Variants in CDAN1 observed in about 807,000 individuals in gnomAD.
CDAN1 encodes codanin 1.
Under a neutral mutation model 139.8 loss-of-function variants are expected in CDAN1, and 107 were observed. The ratio of observed to expected loss-of-function variants is 0.77; its 90% confidence interval spans 0.65 to 0.90. CDAN1 has a LOEUF of 0.90. CDAN1 is among the 40% of genes least tolerant of loss of function. The pLI is 0.00. For synonymous variants in CDAN1, 776 were observed against 660.6 expected (o/e 1.17, Z -2.68); for missense variants, 1,667 against 1,575.7 (o/e 1.06, Z -0.98).
chr15:42,729,266 A>C lies in CDAN1; in HGVS notation c.2504T>G (p.Leu835Arg). 1.9e-6 allele frequency: 3 copies of C among 1,587,564 alleles called. No individual in the cohort carries two copies. The highest frequency in any genetic ancestry group is 2.6e-6 in the Non-Finnish European group (3 of 1,166,974). ...GCTGGTCTGGGAAGGCTGGGCTCCC[A>C]GGCTGGTGGTAGTGGTGGGGGTGAT... ...RKITPTTTTSLGAQPSQTSQG... is the reference protein window; with the variant it reads ...RKITPTTTTSRGAQPSQTSQG... Residue 835 changes from leucine (L) to arginine (R), a missense_variant, in exon 18 of 28, where the codon CTG becomes CGG. Leu to Arg is a moderately radical substitution (Grantham distance 102). This residue lies in a region of CDAN1 where 936 missense variants were observed against 844.1 expected (regional missense o/e 1.11). Coordinates refer to ENST00000356231, the MANE Select transcript of CDAN1 (RefSeq NM_138477.4).
At position 42,737,082 on chromosome 15, in the gene CDAN1, C is replaced by T; in HGVS notation, c.21G>A (p.Ser7=). MAAVLE[S]LLREEVSVAA... The stretch of plus-strand genomic sequence containing the variant: ...CGACCGACACCTCTTCTCGCAGCAG[C>T]GACTCCAAAACGGCCGCCATCCCGG... The change falls in exon 1 of 28, where the codon TCG becomes TCA. Residue 7 remains serine, a synonymous_variant. Coordinates refer to ENST00000356231, the MANE Select transcript of CDAN1 (RefSeq NM_138477.4). 1 of 1,530,950 alleles carries T rather than the reference C, an allele frequency of 6.5e-7. No homozygotes were observed. The highest frequency in any genetic ancestry group is 8.8e-7 in the Non-Finnish European group (1 of 1,137,702). The allele number at this position is 1,530,950 out of a possible 1,614,324, so 94.8% of individuals were successfully genotyped here.
intron 9 of CDAN1, 38 bp downstream of exon 9, chr15:42,733,059 A>C: frequency 1.9e-6 from 3 of 1,582,644 alleles, no homozygotes; most frequent in South Asian, 1.1e-5. Context: ...TGAGCTACTC[A>C]TTGCCAGGAA....
At chr15:42,729,999 G>T in intron 15 of CDAN1, 114 bp from the exon 16 acceptor site, 1 of 1,192,196 alleles carries the variant, frequency 8.4e-7, no homozygotes, top group Non-Finnish European at 1.2e-6. Context: ...CCTCTGAGAT[G>T]ATGGGAATCC....
chr15:42,736,661 C>CG lies in CDAN1; in HGVS notation c.209dup (p.Thr71AspfsTer23). Reference sequence around the variant, plus strand: ...AGGCGCCCGGGGTCTTGGCGGGGGTCGGGGGCCCCTGCGGGAGGACGCGGC... The same window carrying CG: ...AGGCGCCCGGGGTCTTGGCGGGGGTCGGGGGGCCCCTGCGGGAGGACGCGGC... On this transcript the variant is annotated frameshift_variant, in exon 2 of 28. Coordinates refer to ENST00000356231, the MANE Select transcript of CDAN1 (RefSeq NM_138477.4). LOFTEE classifies it high-confidence loss of function. The CG allele has an allele frequency of 6.5e-7, 1 of 1,538,950 alleles. No individual in the cohort carries two copies. The highest frequency in any genetic ancestry group is 8.7e-7 in the Non-Finnish European group (1 of 1,144,252).
chr15:42,727,893 G>A, intron 22 of CDAN1, 62 bp downstream of exon 22: 1 of 1,599,868 alleles, frequency 6.3e-7, no homozygotes, highest in Non-Finnish European at 8.6e-7. Flanking sequence ...AGATGCCTCT[G>A]ACTCTCTGCC....
chr15:42,725,447 C>A, intron 26 of CDAN1, 42 bp downstream of exon 26: 1 of 1,611,940 alleles, frequency 6.2e-7, no homozygotes, highest in South Asian at 1.1e-5. Context: ...GGTGGATGTT[C>A]AGAGTGTGAC....
Position 42,724,115 on chromosome 15 carries a change from A to G in CDAN1, c.*376T>C, listed in dbSNP as rs2061492290. 3 of 316,560 alleles carry G rather than the reference A, an allele frequency of 9.5e-6. No individual in the cohort carries two copies. Among genetic ancestry groups the G allele is most frequent in the Non-Finnish European group, 1.9e-5 (3 of 161,728 alleles). The allele number at this position is 316,560 out of a possible 1,614,324, so 19.6% of individuals were successfully genotyped here. A position where few individuals can be genotyped will look rare whatever the true frequency, so the allele number is the denominator to read the frequency against. On this transcript the variant is annotated 3_prime_UTR_variant, in exon 28 of 28. Coordinates refer to ENST00000356231, the MANE Select transcript of CDAN1 (RefSeq NM_138477.4). ...TTTCTTCATAAGTTAAGCAGGAGTC[A>G]TTTGCCTCTGTCATGAATTCCAAGA...
chr15:42,725,551 G>T lies in CDAN1; in HGVS notation c.3388C>A (p.Pro1130Thr). ...CTTGGGCTCAGCAGCAGCTGCAGCG[G>T]AACCGGCCCCTGAAAGTCTTCCTTC... ...LWKEDFQGPV[P>T]LQLLLSPRNV... The change falls in exon 26 of 28, where the codon CCG becomes ACG. Residue 1130 changes from proline to threonine, a missense_variant. Pro to Thr is a conservative substitution (Grantham distance 38, BLOSUM62 -1). Transcript: ENST00000356231. The T allele has an allele frequency of 6.2e-7, 1 of 1,614,164 alleles. No homozygotes were observed. Among genetic ancestry groups the T allele is most frequent in the Non-Finnish European group, 8.5e-7 (1 of 1,180,020 alleles).
At chr15:42,725,460 C>T (rs758653248) in intron 26 of CDAN1, 29 bp downstream of exon 26, 2 of 1,613,728 alleles carry the variant, frequency 1.2e-6, no homozygotes, top group South Asian at 1.1e-5. Flanking sequence ...AGTGTGACTG[C>T]AGAGGGCTTC....
At position 42,725,576 on chromosome 15, in the gene CDAN1, C is replaced by T. The variant is rs1367139829; in HGVS notation, c.3363G>A (p.Trp1121Ter). 1 of 1,614,050 alleles carries T rather than the reference C, an allele frequency of 6.2e-7. No homozygotes were observed. Among genetic ancestry groups the T allele is most frequent in the Non-Finnish European group, 8.5e-7 (1 of 1,180,046 alleles). ...RRLLHMLLSL[W>*]KEDFQGPVPL... is the part of the protein sequence containing the mutation. Reference sequence around the variant, plus strand: ...GAACCGGCCCCTGAAAGTCTTCCTTCCACAAGGAAAGCAGCATGTGCAGAA... The same window carrying T: ...GAACCGGCCCCTGAAAGTCTTCCTTTCACAAGGAAAGCAGCATGTGCAGAA... The change falls in exon 26 of 28, where the codon TGG (tryptophan) becomes TGA (stop). Residue 1121 changes from tryptophan to a stop codon, truncating the protein, a stop_gained. Coordinates refer to ENST00000356231, the MANE Select transcript of CDAN1 (RefSeq NM_138477.4). LOFTEE classifies it high-confidence loss of function.
At position 42,728,730 on chromosome 15, in the gene CDAN1, CCCCCTT is replaced by C; in HGVS notation, c.2720_2725del (p.Glu907_Gly908del). 1 of 1,614,198 alleles carries C rather than the reference CCCCCTT, an allele frequency of 6.2e-7. No homozygotes were observed. The highest frequency in any genetic ancestry group is 8.5e-7 in the Non-Finnish European group (1 of 1,180,036). The stretch of plus-strand genomic sequence containing the variant: ...GATCTCCAACAGCTGGGCTGGGTCT[CCCCCTT>C]CCTCTCCCTGTGTCACCAGCTGCTC... On this transcript the variant is annotated inframe_deletion, in exon 20 of 28. Transcript: ENST00000356231.
Position 42,727,510 on chromosome 15 carries a change from CACAG to C in CDAN1, c.3096+107_3096+110del. The C allele has an allele frequency of 4.8e-6, 5 of 1,034,746 alleles. No homozygotes were observed. The South Asian group carries it at 5.3e-5, about 11-fold the overall frequency. The allele number at this position is 1,034,746 out of a possible 1,614,324, so 64.1% of individuals were successfully genotyped here. A position where few individuals can be genotyped will look rare whatever the true frequency, so the allele number is the denominator to read the frequency against. On this transcript the variant is annotated intron_variant, in intron 23 of 27. Transcript: ENST00000356231. The stretch of plus-strand genomic sequence containing the variant: ...AGTGAAACGGGGACTAGCTGGACAG[CACAG>C]ACAGCTTCTACATAAAAATCCTGGA...
At chr15:42,728,984 G>A in intron 19 of CDAN1, 39 bp downstream of exon 19, 1 of 1,601,626 alleles carries the variant, frequency 6.2e-7, no homozygotes, top group Non-Finnish European at 8.6e-7. Flanking sequence ...GGGAAAAAAT[G>A]GTAGGGCGAT....
intron 26 of CDAN1, 47 bp downstream of exon 26, chr15:42,725,442 A>G: frequency 1.2e-6 from 2 of 1,609,200 alleles, no homozygotes; most frequent in Non-Finnish European, 1.7e-6. Context: ...AGGGTGGTGG[A>G]TGTTCAGAGT....
chr15:42,725,495 T>G lies in CDAN1; in HGVS notation c.3444A>C (p.Pro1148=). The G allele has an allele frequency of 6.2e-7, 1 of 1,614,162 alleles. No individual in the cohort carries two copies. The highest frequency in any genetic ancestry group is 8.5e-7 in the Non-Finnish European group (1 of 1,180,026). Residue 1148 remains proline (P), a synonymous_variant, in exon 26 of 28, where the codon CCA becomes CCC. Coordinates refer to ENST00000356231, the MANE Select transcript of CDAN1 (RefSeq NM_138477.4). ...CTTGTTCCGTCTGACTCACCTCCCT[T>G]GGCCTTGTGTCTGCCAGAAGCCCCA... ...RNVGLLADTR[P]REWDLLLFLL...
Position 42,735,692 on chromosome 15 carries a change from G to T in CDAN1, c.774-13C>A. 3 of 1,613,700 alleles carry T rather than the reference G, an allele frequency of 1.9e-6. No homozygotes were observed. The highest frequency in any genetic ancestry group is 1.7e-5 in the Admixed American group (1 of 60,016). On this transcript the variant is annotated splice_polypyrimidine_tract_variant and intron_variant, in intron 3 of 27. Transcript: ENST00000356231. Reference sequence around the variant, plus strand: ...CAGCTGCTTAGAGCTATGGAATAAAGAAATTTCATGAGCAGTCAGCTTGGC... The same window carrying T: ...CAGCTGCTTAGAGCTATGGAATAAATAAATTTCATGAGCAGTCAGCTTGGC...
chr15:42,727,926 T>C (rs527704129), intron 22 of CDAN1, 29 bp downstream of exon 22: 1 of 1,610,540 alleles, frequency 6.2e-7, no homozygotes, highest in Non-Finnish European at 8.5e-7. Flanking sequence ...AAACACTTGA[T>C]TCAGCCACTC....
At chr15:42,734,649 G>T (rs1028587745) in intron 6 of CDAN1, among the ~76,000 whole-genome samples, 2 of 152,036 alleles carry the variant, frequency 1.3e-5, no homozygotes, top group African/African-American at 4.8e-5. Context: ...TGTCACCCAG[G>T]CTGGGCTGGG....
rs777323929 is a variant in CDAN1, at chr15:42,735,608, C to T, written c.845G>A (p.Arg282Gln). ...AGGTTCATCTGTGAGGCTTCCTGTC[C>T]GGCTGGGGAGGGGCGACCCCAATTC... is the stretch of plus-strand genomic sequence containing the variant. The part of the protein sequence containing the change: ...TPELGSPLPS[R>Q]TGSLTDEPAD... The change falls in exon 4 of 28, where the codon CGG becomes CAG. Residue 282 changes from arginine (R) to glutamine (Q), a missense_variant. Arg to Gln is a conservative substitution (Grantham distance 43). Around this residue, in one of 3 missense-constraint regions of CDAN1, gnomAD observed 487 missense variants for 422.2 expected, o/e 1.15. Coordinates refer to ENST00000356231, the MANE Select transcript of CDAN1 (RefSeq NM_138477.4). The T allele has an allele frequency of 2.2e-5, 36 of 1,614,034 alleles. No homozygotes were observed. The highest frequency in any genetic ancestry group is 1.0e-4 in the Admixed American group (6 of 59,992).
Sources: allele counts gnomAD v4.1 joint callset (sites outside exome capture counted in the v4.1 genomes callset), GRCh38; gene constraint gnomAD v4.1.1; regional missense constraint gnomAD v4.1.1; transcripts MANE v1.5; gene names NCBI Gene and HGNC (gene_info 2026-07-23, HGNC 2026-07-21).